The following HS3ST5 variants were observed in gnomAD, a reference collection of about 807,000 sequenced individuals.
HS3ST5 encodes the protein heparan sulfate-glucosamine 3-sulfotransferase 5.
In HS3ST5, 10 loss-of-function variants were observed where a neutral mutation model predicts 25.4. That is an observed-to-expected ratio of 0.39 (90% CI 0.24 to 0.67). The LOEUF (loss-of-function observed/expected upper bound fraction) is 0.67. Among genes scored for constraint, HS3ST5 ranks in the 30% least tolerant of loss-of-function variants. The pLI is 0.44. For missense variants in HS3ST5, 324 were observed against 420.7 expected (o/e 0.77, Z 2.01); for synonymous variants, 170 against 162.4 (o/e 1.05, Z -0.36).
intron 2 of HS3ST5, among the ~76,000 whole-genome samples, chr6:114,180,151 C>T (rs576909092): frequency 1.3e-5 from 2 of 152,178 alleles, no homozygotes; most frequent in South Asian, 2.1e-4. Flanking sequence ...CCAGAAACAC[C>T]CAGATATATC....
At chr6:114,330,520 C>T (rs987288848) in intron 1 of HS3ST5, among the ~76,000 whole-genome samples, 1 of 152,174 alleles carries the variant, frequency 6.6e-6, no homozygotes, top group African/African-American at 2.4e-5. Flanking sequence ...GGCAGCAGGG[C>T]CAAAGGTATG....
At chr6:114,237,871 TAGAGG>T (rs1771931127) in intron 1 of HS3ST5, among the ~76,000 whole-genome samples, 2 of 152,250 alleles carry the variant, frequency 1.3e-5, no homozygotes, top group East Asian at 3.9e-4. Context: ...AGAAGATTGG[TAGAGG>T]AAAGAGAAGC....
At chr6:114,310,931 A>G (rs1055082032) in intron 1 of HS3ST5, among the ~76,000 whole-genome samples, 5 of 152,222 alleles carry the variant, frequency 3.3e-5, no homozygotes, top group Non-Finnish European at 7.3e-5. Context: ...CTTCCAGATT[A>G]TAAATGTTCC....
At chr6:114,204,996 T>A (rs1351146507) in intron 2 of HS3ST5, among the ~76,000 whole-genome samples, 1 of 152,212 alleles carries the variant, frequency 6.6e-6, no homozygotes, top group African/African-American at 2.4e-5. Context: ...CCATATGCCT[T>A]GAACCATGCT....
In HS3ST5 at chr6:114,093,353, T is replaced by TTGTGTG. The variant is rs60927880; in HGVS notation, c.-32-30482_-32-30477dup. ...CCTTGTATCTTTTTTGTTTGTTTGT[T>TTGTGTG]TGTGTGTGTGTGTGTGTGTGTGTGT... On this transcript the variant is annotated intron_variant, in intron 3 of 4. Transcript: ENST00000312719. 6.5e-3 allele frequency among the ~76,000 whole-genome samples: 878 copies of TTGTGTG among 134,300 alleles called. 11 individuals carry two copies. The highest frequency in any genetic ancestry group is 0.035 in the Admixed American group (458 of 13,274). 88.1% of individuals were successfully genotyped at this position (134,300 alleles called of 152,430 possible). A position where few individuals can be genotyped will look rare whatever the true frequency, so the allele number is the denominator to read the frequency against.
chr6:114,121,730 TTTAAG>T (rs1776796700), intron 3 of HS3ST5, among the ~76,000 whole-genome samples: 3 of 152,350 alleles, frequency 2.0e-5, no homozygotes, highest in Admixed American at 6.5e-5. Context: ...TATTTGAATA[TTTAAG>T]TTGTCTCCAA....
At chr6:114,082,376 T>C (rs1297458472) in intron 3 of HS3ST5, among the ~76,000 whole-genome samples, 1 of 152,246 alleles carries the variant, frequency 6.6e-6, no homozygotes. Context: ...ACTTTCTTTT[T>C]CTTAACTGGA....
chr6:114,185,335 C>T (rs975744014), intron 2 of HS3ST5, among the ~76,000 whole-genome samples: 15 of 152,106 alleles, frequency 9.9e-5, no homozygotes. Context: ...AAAAATTCCC[C>T]CAGAGAGCTT....
intron 2 of HS3ST5, among the ~76,000 whole-genome samples, chr6:114,182,978 T>G (rs550942612): frequency 6.6e-6 from 1 of 152,264 alleles, no homozygotes; most frequent in African/African-American, 2.4e-5. Flanking sequence ...GCCTGCCTGC[T>G]TGAGCTAGGA....
intron 1 of HS3ST5, among the ~76,000 whole-genome samples, chr6:114,302,635 G>A (rs1775127192): frequency 6.6e-6 from 1 of 152,158 alleles, no homozygotes; most frequent in Non-Finnish European, 1.5e-5. Flanking sequence ...TTCATTTTCT[G>A]GGTAAGCTTC....
chr6:114,088,587 T>C (rs145706981), intron 3 of HS3ST5, among the ~76,000 whole-genome samples: 26 of 152,266 alleles, frequency 1.7e-4, no homozygotes, highest in African/African-American at 6.0e-4. Context: ...ACTTAGAAGA[T>C]AGGGACTATT....
intron 1 of HS3ST5, among the ~76,000 whole-genome samples, chr6:114,319,218 TA>T (rs905674815): frequency 6.6e-6 from 1 of 152,328 alleles, no homozygotes; most frequent in Admixed American, 6.5e-5. Flanking sequence ...TTTTCTTAAT[TA>T]ATACATTTCT....
At chr6:114,316,732 C>T (rs6926449) in intron 1 of HS3ST5, among the ~76,000 whole-genome samples, 5,330 of 152,236 alleles carry the variant, frequency 0.035, 313 homozygotes, top group African/African-American at 0.12. Flanking sequence ...AAACCAAAAC[C>T]TTCCTAGATG....
intron 1 of HS3ST5, among the ~76,000 whole-genome samples, chr6:114,272,047 T>C (rs1292027544): frequency 3.3e-5 from 5 of 152,188 alleles, no homozygotes; most frequent in Non-Finnish European, 7.4e-5. Context: ...CTACACTTCT[T>C]TGAACATATA....
chr6:114,315,904 T>C (rs895616655), intron 1 of HS3ST5, among the ~76,000 whole-genome samples: 8 of 152,218 alleles, frequency 5.3e-5, no homozygotes, highest in African/African-American at 1.9e-4. Context: ...TTGTCTGAGT[T>C]GTTGCTAACA....
chr6:114,155,420 C>T (rs1647944218), intron 3 of HS3ST5, among the ~76,000 whole-genome samples: 1 of 151,910 alleles, frequency 6.6e-6, no homozygotes, highest in African/African-American at 2.4e-5. Context: ...CTATTCAAAA[C>T]TTGGAAAAAA....
Position 114,282,888 on chromosome 6 carries a change from G to A in HS3ST5, c.-338-54110C>T, listed in dbSNP as rs540202783. Among the ~76,000 whole-genome samples the A allele has an allele frequency of 7.8e-4, 119 of 152,008 alleles. 1 individual carries two copies. The highest frequency in any genetic ancestry group is 1.3e-3 in the Non-Finnish European group (85 of 67,898). ...TAATCTCTCAACTAAAGTTTCTCAC[G>A]TAGAAAAAAGCTTTTTTCCCTAAAC... On this transcript the variant is annotated intron_variant, in intron 1 of 4. Coordinates refer to ENST00000312719, the MANE Select transcript of HS3ST5 (RefSeq NM_153612.4).
At chr6:114,295,800 G>A (rs1774794458) in intron 1 of HS3ST5, among the ~76,000 whole-genome samples, 1 of 152,140 alleles carries the variant, frequency 6.6e-6, no homozygotes, top group African/African-American at 2.4e-5. Context: ...ATTGCTTTGA[G>A]ACTGCCAGAC....
rs572779346 is a variant in HS3ST5 at position 114,218,496 on chromosome 6, A to G, written c.-145+10089T>C. 4.6e-5 allele frequency among the ~76,000 whole-genome samples: 7 copies of G among 152,294 alleles called. No individual in the cohort carries two copies. The East Asian group carries it at 1.2e-3, about 25-fold the overall frequency. On this transcript the variant is annotated intron_variant, in intron 2 of 4. Coordinates refer to ENST00000312719, the MANE Select transcript of HS3ST5 (RefSeq NM_153612.4). ...CTTCAGAAACTAAACAACACTCAAA[A>G]CCTCAATGTTAAAAATTTTGCTTCT...
Sources: allele counts gnomAD v4.1 joint callset (sites outside exome capture counted in the v4.1 genomes callset), GRCh38; gene constraint gnomAD v4.1.1; transcripts MANE v1.5; gene names NCBI Gene and HGNC (gene_info 2026-07-23, HGNC 2026-07-21).